ATP5F1B: variants seen among roughly 807,000 people sequenced by gnomAD.
ATP5F1B encodes the protein ATP synthase F(1) complex subunit beta, mitochondrial.
ATP5F1B carries 17 observed loss-of-function variants against 45.9 expected under a neutral mutation model. That is an observed-to-expected ratio of 0.37 (90% CI 0.25 to 0.56). ATP5F1B has a LOEUF of 0.56. ATP5F1B is among the 20% of genes least tolerant of loss of function. The probability of loss-of-function intolerance (pLI) is 0.80; values close to 1 mark genes in which losing one functional copy is unlikely to be tolerated. For synonymous variants in ATP5F1B, 218 were observed against 256.5 expected, an observed-to-expected ratio of 0.85 and a Z score of 1.43; for missense variants, 387 against 673.2, an observed-to-expected ratio of 0.57 and a Z score of 4.70.
chr12:56,645,600 G>A (rs1053795257), intron 1 of ATP5F1B, among the ~76,000 whole-genome samples: 1 of 152,124 alleles, frequency 6.6e-6, no homozygotes, highest in Non-Finnish European at 1.5e-5. Context: ...GAAGGTCAAC[G>A]CACCTGCCCG....
rs558768752 is a variant in ATP5F1B at position 56,641,546 on chromosome 12, A to AT, written c.1074+911dup. Reference sequence around the variant, plus strand: ...AATGTATAGTACATTAATGCAGTAAATTTTTTTTTTTTGTAGACGGATTAT... The same window carrying AT: ...AATGTATAGTACATTAATGCAGTAAATTTTTTTTTTTTTGTAGACGGATTAT... On this transcript the variant is annotated intron_variant, in intron 7 of 9. Transcript: ENST00000262030. Among the ~76,000 whole-genome samples, 443 of 146,580 alleles carry AT rather than the reference A, an allele frequency of 3.0e-3. 4 individuals carry two copies. The highest frequency in any genetic ancestry group is 0.016 in the East Asian group (79 of 5,096).
chr12:56,638,722 C>G (rs1203122292), intron 9 of ATP5F1B, among the ~76,000 whole-genome samples: 1 of 152,076 alleles, frequency 6.6e-6, no homozygotes, highest in Non-Finnish European at 1.5e-5. Flanking sequence ...ATGGTGAAAC[C>G]CCATGGCTAC....
intron 2 of ATP5F1B, 28 bp downstream of exon 2, chr12:56,645,143 T>C: frequency 1.9e-6 from 3 of 1,613,980 alleles, no homozygotes; most frequent in Non-Finnish European, 2.5e-6. Flanking sequence ...ACACAAGGTC[T>C]TTACTATTCC....
chr12:56,644,757 A>G, intron 3 of ATP5F1B, 24 bp downstream of exon 3: 2 of 1,597,948 alleles, frequency 1.3e-6, no homozygotes, highest in East Asian at 2.2e-5. Flanking sequence ...TCCTTTGTGC[A>G]TAGATGCAAT....
rs773542651 is a variant in ATP5F1B at position 56,645,153 on chromosome 12, C to G, written c.310+18G>C. ...GGGCTACACAAGGTCTTTACTATTCCTAACAAACTCTACTTACCCAAATGC... is the reference window on the plus strand; with the variant it reads ...GGGCTACACAAGGTCTTTACTATTCGTAACAAACTCTACTTACCCAAATGC... On this transcript the variant is annotated intron_variant, in intron 2 of 9. Coordinates refer to ENST00000262030, the MANE Select transcript of ATP5F1B (RefSeq NM_001686.4). 6 of 1,613,946 alleles carry G rather than the reference C, an allele frequency of 3.7e-6. No homozygotes were observed. The African/African-American group carries it at 8.0e-5, about 22-fold the overall frequency.
chr12:56,639,825 A>C (rs1192152531), intron 8 of ATP5F1B, 155 bp downstream of exon 8: 1 of 688,848 alleles, frequency 1.5e-6, no homozygotes, highest in African/African-American at 1.8e-5. Context: ...AGTACCTGGA[A>C]ACTCAAGAGA....
intron 8 of ATP5F1B, 136 bp from the exon 9 acceptor site, chr12:56,639,443 C>G (rs1192275780): frequency 1.3e-6 from 1 of 787,604 alleles, no homozygotes; most frequent in Non-Finnish European, 2.1e-6. Flanking sequence ...AGATCAGTGT[C>G]TTGTTCTCCA....
chr12:56,639,338 T>C (rs1259616204), intron 8 of ATP5F1B, 31 bp from the exon 9 acceptor site: 1 of 1,593,914 alleles, frequency 6.3e-7, no homozygotes, highest in Admixed American at 1.7e-5. Flanking sequence ...GAGTTAAGTA[T>C]TCTCATTCCT....
intron 9 of ATP5F1B, 29 bp downstream of exon 9, chr12:56,639,077 A>G: frequency 6.2e-7 from 1 of 1,604,896 alleles, no homozygotes; most frequent in Non-Finnish European, 8.5e-7. Context: ...AGCACAGTAA[A>G]CATTCAAGAT....
chr12:56,644,094 T>A, intron 3 of ATP5F1B, 136 bp from the exon 4 acceptor site: 1 of 961,878 alleles, frequency 1.0e-6, no homozygotes, highest in Non-Finnish European at 1.5e-6. Flanking sequence ...CTTTCTTACA[T>A]AAATCAGATA....
chr12:56,643,652 A>T, intron 4 of ATP5F1B, 65 bp from the exon 5 acceptor site: 1 of 1,602,158 alleles, frequency 6.2e-7, no homozygotes, highest in Non-Finnish European at 8.5e-7. Flanking sequence ...AAACTTCAAA[A>T]AAAGTAATTG....
intron 1 of ATP5F1B, 82 bp downstream of exon 1, chr12:56,645,755 T>C (rs1951544965): frequency 6.4e-7 from 1 of 1,560,846 alleles, no homozygotes; most frequent in Non-Finnish European, 8.7e-7. Context: ...ACGGATCCCT[T>C]AGGCCCGAGC....
intron 7 of ATP5F1B, among the ~76,000 whole-genome samples, chr12:56,641,222 G>A (rs1214447295): frequency 1.3e-5 from 2 of 151,376 alleles, no homozygotes; most frequent in African/African-American, 2.4e-5. Flanking sequence ...AAAATTAACC[G>A]GGCCTGGTGT....
Position 56,645,847 on chromosome 12 carries a change from C to G in ATP5F1B, c.117G>C (p.Ala39=). ...AQLLLRAAPT[A]VHPVRDYAAQ... ...GAGAAAAGCACTTACCAGGATGGAC[C>G]GCCGTCGGAGCGGCCCGCAGTAAGA... The change falls in exon 1 of 10, where the codon GCG becomes GCC. Residue 39 remains alanine, a synonymous_variant. Transcript: ENST00000262030. 1 of 1,608,792 alleles carries G rather than the reference C, an allele frequency of 6.2e-7. No individual in the cohort carries two copies. Among genetic ancestry groups the G allele is most frequent in the Non-Finnish European group, 8.5e-7 (1 of 1,177,776 alleles).
chr12:56,643,591 T>C lies in ATP5F1B; in HGVS notation c.608-4A>G, dbSNP rs924758811. The C allele has an allele frequency of 1.9e-6, 3 of 1,613,880 alleles. No homozygotes were observed. The highest frequency in any genetic ancestry group is 1.7e-5 in the Admixed American group (1 of 59,950). On this transcript the variant is annotated splice_region_variant and splice_polypyrimidine_tract_variant and intron_variant, in intron 4 of 9. Coordinates refer to ENST00000262030, the MANE Select transcript of ATP5F1B (RefSeq NM_001686.4). The stretch of plus-strand genomic sequence containing the variant: ...ACTCCAGCACCACCAAAAAGCCCTA[T>C]AAGAGGTTGAAAAGAAAGAATATTT...
rs149104052 is a variant in ATP5F1B, at chr12:56,639,146, G to A, written c.1449C>T (p.Pro483=). 1 of 1,613,850 alleles carries A rather than the reference G, an allele frequency of 6.2e-7. No individual in the cohort carries two copies. The highest frequency in any genetic ancestry group is 1.1e-5 in the South Asian group (1 of 91,072). The change falls in exon 9 of 10, where the codon CCC becomes CCT. Residue 483 remains proline, a synonymous_variant. Transcript: ENST00000262030. ...VFTGHMGKLV[P]LKETIKGFQQ... is the part of the protein sequence containing the mutation. ...GGAATCCTTTGATGGTCTCCTTCAG[G>A]GGTACCAGCTTCCCCATATGACCTG...
chr12:56,643,802 T>G, intron 4 of ATP5F1B, 35 bp downstream of exon 4: 2 of 1,613,458 alleles, frequency 1.2e-6, no homozygotes, highest in Non-Finnish European at 1.7e-6. Context: ...CCTCCCATAT[T>G]AGGTTTGGAA....
At chr12:56,643,233 G>A (rs1301987348) in intron 5 of ATP5F1B, 170 bp downstream of exon 5, 4 of 545,536 alleles carry the variant, frequency 7.3e-6, no homozygotes, top group Non-Finnish European at 1.2e-5. Context: ...GGAAGTTGGG[G>A]GGGAAAACAC....
rs747349386 is a variant in ATP5F1B, at chr12:56,645,337, C to A, written c.144G>T (p.Ala48=). The A allele has an allele frequency of 6.2e-7, 1 of 1,613,918 alleles. No homozygotes were observed. The highest frequency in any genetic ancestry group is 8.5e-7 in the Non-Finnish European group (1 of 1,179,902). The change falls in exon 2 of 10, where the codon GCG becomes GCT. Residue 48 remains alanine (A), a synonymous_variant. Coordinates refer to ENST00000262030, the MANE Select transcript of ATP5F1B (RefSeq NM_001686.4). The part of the protein sequence containing the change: ...TAVHPVRDYA[A]QTSPSPKAGA... ...CTGCTTTTGGCGAAGGAGATGTTTG[C>A]GCCGCATAGTCCCTGACTAACAGAC...
Sources: allele counts gnomAD v4.1 joint callset (sites outside exome capture counted in the v4.1 genomes callset), GRCh38; gene constraint gnomAD v4.1.1; transcripts MANE v1.5; gene names NCBI Gene and HGNC (gene_info 2026-07-23, HGNC 2026-07-21).